The following TMEM132C variants were observed in gnomAD, a reference collection of about 807,000 sequenced individuals.
The protein encoded by TMEM132C is protein phosphatase 1, regulatory subunit 152.
A neutral mutation model predicts 61.4 loss-of-function variants in TMEM132C; 29 were observed. The observed-to-expected ratio is 0.47, with a 90% CI of 0.35 to 0.64. TMEM132C has a LOEUF of 0.64. TMEM132C is among the 30% of genes least tolerant of loss of function. The pLI, the probability that TMEM132C is intolerant of heterozygous loss-of-function variation, is 0.00. For synonymous variants in TMEM132C, 656 were observed against 633.1 expected, an observed-to-expected ratio of 1.04 and a Z score of -0.54; for missense variants, 1,408 against 1,476.9, an observed-to-expected ratio of 0.95 and a Z score of 0.76.
intron 2 of TMEM132C, among the ~76,000 whole-genome samples, chr12:128,444,657 G>C (rs1416160405): frequency 6.6e-6 from 1 of 152,214 alleles, no homozygotes; most frequent in Non-Finnish European, 1.5e-5. Flanking sequence ...CTGACTCCTA[G>C]AAGAAAACAA....
At chr12:128,272,060 A>G (rs1870539502) in intron 1 of TMEM132C, among the ~76,000 whole-genome samples, 1 of 152,246 alleles carries the variant, frequency 6.6e-6, no homozygotes, top group South Asian at 2.1e-4. Context: ...GCACACAATA[A>G]AATTCACCTC....
intron 1 of TMEM132C, among the ~76,000 whole-genome samples, chr12:128,301,890 C>T (rs1871608110): frequency 6.6e-6 from 1 of 152,154 alleles, no homozygotes; most frequent in African/African-American, 2.4e-5. Context: ...AGGCAAAAGG[C>T]ACATCTTACA....
At chr12:128,449,587 C>T (rs1319926483) in intron 2 of TMEM132C, among the ~76,000 whole-genome samples, 2 of 152,136 alleles carry the variant, frequency 1.3e-5, no homozygotes, top group African/African-American at 2.4e-5. Flanking sequence ...TATCATAATT[C>T]CATTATGAAG....
At chr12:128,449,413 G>T (rs1195960902) in intron 2 of TMEM132C, among the ~76,000 whole-genome samples, 1 of 151,982 alleles carries the variant, frequency 6.6e-6, no homozygotes, top group Non-Finnish European at 1.5e-5. Context: ...CAGTGCCTAA[G>T]TCTTTGACTT....
At chr12:128,346,856 C>T (rs1160924892) in intron 1 of TMEM132C, among the ~76,000 whole-genome samples, 1 of 152,120 alleles carries the variant, frequency 6.6e-6, no homozygotes, top group Non-Finnish European at 1.5e-5. Flanking sequence ...GTATGTCTAT[C>T]CCTATGTTAG....
At chr12:128,601,814 T>C (rs1876204545) in intron 3 of TMEM132C, among the ~76,000 whole-genome samples, 1 of 152,174 alleles carries the variant, frequency 6.6e-6, no homozygotes, top group Non-Finnish European at 1.5e-5. Context: ...CAACCTAGTA[T>C]CAGGATTTGG....
At chr12:128,390,070 T>C (rs1423440433) in intron 1 of TMEM132C, among the ~76,000 whole-genome samples, 1 of 152,086 alleles carries the variant, frequency 6.6e-6, no homozygotes, top group Non-Finnish European at 1.5e-5. Context: ...GGGGTCTTGC[T>C]CTTTTGCCCA....
chr12:128,459,524 C>T (rs1421259321), intron 2 of TMEM132C, among the ~76,000 whole-genome samples: 1 of 152,048 alleles, frequency 6.6e-6, no homozygotes, highest in African/African-American at 2.4e-5. Context: ...AAGTCTCTCT[C>T]CTGGATGATA....
At chr12:128,454,538 G>T (rs79894973) in intron 2 of TMEM132C, among the ~76,000 whole-genome samples, 5,154 of 152,334 alleles carry the variant, frequency 0.034, 276 homozygotes, top group African/African-American at 0.11. Context: ...ACTTTGTGGG[G>T]CAAGGCTTGG....
intron 2 of TMEM132C, among the ~76,000 whole-genome samples, chr12:128,514,450 C>G (rs1872659075): frequency 6.6e-6 from 1 of 151,894 alleles, no homozygotes; most frequent in African/African-American, 2.4e-5. Context: ...ACTGGACTTT[C>G]TTACATTTAT....
At chr12:128,355,852 C>G (rs1873486668) in intron 1 of TMEM132C, among the ~76,000 whole-genome samples, 2 of 152,098 alleles carry the variant, frequency 1.3e-5, no homozygotes, top group African/African-American at 4.8e-5. Flanking sequence ...ATGCCACGTG[C>G]TTAGTGAGGG....
rs371591178 is a variant in TMEM132C, at chr12:128,624,493, G to A, written c.1305+8158G>A. 5.4e-4 allele frequency among the ~76,000 whole-genome samples: 77 copies of A among 143,908 alleles called. 2 individuals carry two copies. The South Asian group carries it at 0.013, about 24-fold the overall frequency. The allele number at this position is 143,908 out of a possible 152,430, so 94.4% of individuals were successfully genotyped here. ...CGGGTGGCAGAGGTTGCAGTGAGCC[G>A]AGATCGTGCCATTGCACTCCAACCT... On this transcript the variant is annotated intron_variant, in intron 4 of 8. Transcript: ENST00000435159.
chr12:128,310,633 G>T (rs1871937113), intron 1 of TMEM132C, among the ~76,000 whole-genome samples: 2 of 152,082 alleles, frequency 1.3e-5, no homozygotes, highest in East Asian at 3.9e-4. Context: ...ATTCATGAGG[G>T]ATCCACCCCC....
At chr12:128,622,343 C>CAAAAAAAAAA (rs71069584) in intron 4 of TMEM132C, among the ~76,000 whole-genome samples, 9 of 16,106 alleles carry the variant, frequency 5.6e-4, no homozygotes, top group South Asian at 7.9e-3. Context: ...GACTTTGTCT[C>CAAAAAAAAAA]AAAAAAAAAA....
chr12:128,489,562 C>CATAT (rs10654008), intron 2 of TMEM132C, among the ~76,000 whole-genome samples: 6,414 of 138,336 alleles, frequency 0.046, 479 homozygotes, highest in African/African-American at 0.15. Flanking sequence ...TTTATATGCT[C>CATAT]ATATATATAT....
At position 128,467,909 on chromosome 12, in the gene TMEM132C, G is replaced by T. The variant is rs138391108; in HGVS notation, c.974+52289G>T. 3.4e-3 allele frequency among the ~76,000 whole-genome samples: 522 copies of T among 152,302 alleles called. 11 individuals are homozygous for T. Among genetic ancestry groups the T allele is most frequent in the Admixed American group, 0.032 (489 of 15,292 alleles). ...CCAGGATGCTCCTCGCCCTCATGAGGTTTATAGTCCGGTGGAGGAGAGGGG... is the reference window on the plus strand; with the variant it reads ...CCAGGATGCTCCTCGCCCTCATGAGTTTTATAGTCCGGTGGAGGAGAGGGG... On this transcript the variant is annotated intron_variant, in intron 2 of 8. Coordinates refer to ENST00000435159, the MANE Select transcript of TMEM132C (RefSeq NM_001136103.3).
Position 128,542,466 on chromosome 12 carries a change from G to A in TMEM132C, c.975-1491G>A, listed in dbSNP as rs577282201. ...GACTAAAGGCATGCACCACCATGCC[G>A]GGTTAAGTTTTGTATTTTTCGTAGA... On this transcript the variant is annotated intron_variant, in intron 2 of 8. Transcript: ENST00000435159. Among the ~76,000 whole-genome samples, 4 of 152,150 alleles carry A rather than the reference G, an allele frequency of 2.6e-5. 1 individual carries two copies. In the South Asian group the frequency reaches 8.3e-4, roughly 32 times the overall value.
chr12:128,372,414 G>T lies in TMEM132C; in HGVS notation c.86-42318G>T, dbSNP rs76838833. ...CCCTAGAGTGACATGGACAGAGAAA[G>T]ACAGAGACAGACAGAGTGACTGAAA... On this transcript the variant is annotated intron_variant, in intron 1 of 8. Transcript: ENST00000435159. 3.3e-4 allele frequency among the ~76,000 whole-genome samples: 50 copies of T among 152,282 alleles called. 1 individual carries two copies. The East Asian group carries it at 9.5e-3, about 29-fold the overall frequency.
chr12:128,344,113 T>G (rs1182326758), intron 1 of TMEM132C, among the ~76,000 whole-genome samples: 1 of 152,238 alleles, frequency 6.6e-6, no homozygotes, highest in Non-Finnish European at 1.5e-5. Context: ...TGAACATTTA[T>G]GATTCATGTA....
Sources: gnomAD v4.1 joint callset for allele counts (sites outside exome capture counted in the v4.1 genomes callset) on GRCh38, gnomAD v4.1.1 for gene constraint, MANE v1.5 for transcripts, NCBI Gene and HGNC (gene_info 2026-07-23, HGNC 2026-07-21) for gene names.